LONP1: variants seen among roughly 807,000 people sequenced by gnomAD.
The protein encoded by LONP1 is lon peptidase 1, mitochondrial, also known as lon protease homolog, mitochondrial.
LONP1 carries 31 observed loss-of-function variants against 98.5 expected under a neutral mutation model. The ratio of observed to expected loss-of-function variants is 0.31; its 90% CI spans 0.24 to 0.42. The LOEUF (loss-of-function observed/expected upper bound fraction) is 0.42. Among genes scored for constraint, LONP1 ranks in the 20% least tolerant of loss-of-function variants. The pLI is 1.00. For synonymous variants in LONP1, 781 were observed against 594.7 expected, an observed-to-expected ratio of 1.31 and a Z score of -4.56; for missense variants, 1,336 against 1,350.6, an observed-to-expected ratio of 0.99 and a Z score of 0.17.
At position 5,711,852 on chromosome 19, in the gene LONP1, G is replaced by T; in HGVS notation, c.789C>A (p.Thr263=). Residue 263 remains threonine (T), a synonymous_variant, in exon 4 of 18, where the codon ACC becomes ACA. Coordinates refer to ENST00000360614, the MANE Select transcript of LONP1 (RefSeq NM_004793.4). ...RHPAELAMEP[T]PELPAEVLMV... ...TGAGCACCTCAGCCGGGAGCTCAGGGGTGGGCTCCATCGCCAGCTCCGCCG... is the reference window on the plus strand; with the variant it reads ...TGAGCACCTCAGCCGGGAGCTCAGGTGTGGGCTCCATCGCCAGCTCCGCCG... The T allele has an allele frequency of 6.2e-7, 1 of 1,612,844 alleles. No homozygotes were observed. Among genetic ancestry groups the T allele is most frequent in the Non-Finnish European group, 8.5e-7 (1 of 1,179,992 alleles).
chr19:5,711,970 G>A lies in LONP1; in HGVS notation c.671C>T (p.Pro224Leu). Residue 224 changes from proline (P) to leucine (L), a missense_variant, in exon 4 of 18, where the codon CCC (proline) becomes CTC (leucine). Coordinates refer to ENST00000360614, the MANE Select transcript of LONP1 (RefSeq NM_004793.4). ...VHISRQLEVE[P>L]EEPEAENKHK... ...CTTGTTCTCCGCCTCCGGCTCCTCG[G>A]GCTCCACCTCCAGCTGTCTGCTGAT... The A allele has an allele frequency of 1.2e-6, 2 of 1,613,088 alleles. No individual in the cohort carries two copies. The highest frequency in any genetic ancestry group is 1.7e-6 in the Non-Finnish European group (2 of 1,179,934).
chr19:5,693,289 G>A lies in LONP1; in HGVS notation c.2703+9C>T. Reference sequence around the variant, plus strand: ...GCCAGTGCTGTGGGGTGGGTACAGGGACACTCACCGCAATGGTCTTCTCCT... The same window carrying A: ...GCCAGTGCTGTGGGGTGGGTACAGGAACACTCACCGCAATGGTCTTCTCCT... On this transcript the variant is annotated intron_variant, in intron 17 of 17. Coordinates refer to ENST00000360614, the MANE Select transcript of LONP1 (RefSeq NM_004793.4). 6.2e-7 allele frequency: 1 copy of A among 1,606,186 alleles called. No individual in the cohort carries two copies. Among genetic ancestry groups the A allele is most frequent in the Non-Finnish European group, 8.5e-7 (1 of 1,174,750 alleles).
intron 8 of LONP1, among the ~76,000 whole-genome samples, chr19:5,701,280 C>T (rs2055036880): frequency 6.6e-6 from 1 of 152,176 alleles, no homozygotes; most frequent in Non-Finnish European, 1.5e-5. Context: ...CCTGTCTCTA[C>T]TAAAAATACA....
In LONP1 at chr19:5,717,547, C is replaced by G. The variant is rs1006300778; in HGVS notation, c.429+2157G>C. On this transcript the variant is annotated intron_variant, in intron 1 of 17. Coordinates refer to ENST00000360614, the MANE Select transcript of LONP1 (RefSeq NM_004793.4). Reference sequence around the variant, plus strand: ...CATCTCTCTGCTCAGGCACCGGGAGCAAGGGGCATCTGTCGCTCTGCAGAA... The same window carrying G: ...CATCTCTCTGCTCAGGCACCGGGAGGAAGGGGCATCTGTCGCTCTGCAGAA... 52 of 152,398 alleles carry G rather than the reference C, an allele frequency of 3.4e-4. 1 individual carries two copies. Among genetic ancestry groups the G allele is most frequent in the African/African-American group, 1.3e-3 (52 of 41,562 alleles). 9.4% of individuals were successfully genotyped at this position (152,398 alleles called of 1,614,324 possible). A position where few individuals can be genotyped will look rare whatever the true frequency, so the allele number is the denominator to read the frequency against.
At chr19:5,700,117 T>G (rs1371167851) in intron 9 of LONP1, among the ~76,000 whole-genome samples, 1 of 151,800 alleles carries the variant, frequency 6.6e-6, no homozygotes, top group Non-Finnish European at 1.5e-5. Context: ...TAAAAAAAAT[T>G]TTTTTTCCTT....
chr19:5,703,745 G>T (rs1416265740), intron 8 of LONP1, among the ~76,000 whole-genome samples: 2 of 151,854 alleles, frequency 1.3e-5, no homozygotes, highest in Non-Finnish European at 2.9e-5. Flanking sequence ...ATTCTGGGTG[G>T]GAGAGGTAGC....
chr19:5,700,961 A>C (rs1178730722), intron 8 of LONP1, 34 bp from the exon 9 acceptor site: 1 of 1,612,508 alleles, frequency 6.2e-7, no homozygotes, highest in Admixed American at 1.7e-5. Context: ...TGCTGAGTGG[A>C]GCTCACGAGC....
At position 5,716,253 on chromosome 19, in the gene LONP1, A is replaced by AATATATATATATAT. The variant is rs1200539692; in HGVS notation, c.430-1983_430-1982insATATATATATATAT. Among the ~76,000 whole-genome samples the AATATATATATATAT allele has an allele frequency of 9.8e-4, 70 of 71,704 alleles. 1 individual carries two copies. The highest frequency in any genetic ancestry group is 7.8e-3 in the Middle Eastern group (1 of 128). 47.0% of individuals were successfully genotyped at this position (71,704 alleles called of 152,430 possible). A position where few individuals can be genotyped will look rare whatever the true frequency, so the allele number is the denominator to read the frequency against. On this transcript the variant is annotated intron_variant, in intron 1 of 17. Coordinates refer to ENST00000360614, the MANE Select transcript of LONP1 (RefSeq NM_004793.4). Reference sequence around the variant, plus strand: ...ATTCTTTATTATATAATAAAGTTAAAATATACATATATATATATATATATA... The same window carrying AATATATATATATAT: ...ATTCTTTATTATATAATAAAGTTAAAATATATATATATATATATACATATATATATATATATATA...
intron 13 of LONP1, among the ~76,000 whole-genome samples, 199 bp from the exon 14 acceptor site, chr19:5,695,100 C>T (rs932457384): frequency 1.3e-5 from 2 of 152,022 alleles, no homozygotes; most frequent in Non-Finnish European, 2.9e-5. Context: ...TGTGCTGCGT[C>T]CTCTGCTTGG....
At chr19:5,699,911 G>A (rs1568316651) in intron 9 of LONP1, among the ~76,000 whole-genome samples, 2 of 151,844 alleles carry the variant, frequency 1.3e-5, no homozygotes, top group Non-Finnish European at 2.9e-5. Flanking sequence ...GGTTTCCAAT[G>A]TCTCAGGAGT....
intron 8 of LONP1, among the ~76,000 whole-genome samples, chr19:5,704,657 A>G (rs60865291): frequency 0.01 from 1,537 of 152,312 alleles, 28 homozygotes; most frequent in African/African-American, 0.035. Flanking sequence ...CTGGCTGGAC[A>G]TGGGCATGGC....
At chr19:5,717,949 A>G (rs1360549397) in intron 1 of LONP1, among the ~76,000 whole-genome samples, 2 of 131,178 alleles carry the variant, frequency 1.5e-5, no homozygotes, top group East Asian at 4.4e-4. Context: ...GTTTCAAATT[A>G]TGCTCCTGCC....
upstream of LONP1, chr19:5,720,274 A>C (rs531523956): frequency 2.5e-6 from 3 of 1,212,950 alleles, no homozygotes; most frequent in East Asian, 3.0e-5. Context: ...TACGCGGAGA[A>C]GAGGGGGCGG....
At chr19:5,718,922 C>T (rs1395714313) in intron 1 of LONP1, among the ~76,000 whole-genome samples, 1 of 152,172 alleles carries the variant, frequency 6.6e-6, no homozygotes, top group Non-Finnish European at 1.5e-5. Context: ...GTCAAGAACA[C>T]ACTGAATAAC....
rs2054870430 is a variant in LONP1 at position 5,693,573 on chromosome 19, G to A, written c.2517C>T (p.His839=). The change falls in exon 16 of 18, where the codon CAC becomes CAT. Residue 839 remains histidine (H), a synonymous_variant. Coordinates refer to ENST00000360614, the MANE Select transcript of LONP1 (RefSeq NM_004793.4). ...TCACCTCGGGCACATGCAGGTGGAT[G>A]TGTGAGGTCACCAGGTAGTCATTGG... is the stretch of plus-strand genomic sequence containing the variant. ...APANDYLVTS[H]IHLHVPEGAT... 2 of 1,614,102 alleles carry A rather than the reference G, an allele frequency of 1.2e-6. No individual in the cohort carries two copies. Among genetic ancestry groups the A allele is most frequent in the African/African-American group, 1.3e-5 (1 of 75,052 alleles).
intron 5 of LONP1, 188 bp downstream of exon 5, chr19:5,708,154 C>T: frequency 1.6e-6 from 1 of 631,832 alleles, no homozygotes; most frequent in African/African-American, 1.8e-5. Flanking sequence ...ACTGGGCCTG[C>T]TGAGTCGGCC....
chr19:5,704,423 A>C (rs965079682), intron 8 of LONP1, among the ~76,000 whole-genome samples: 3 of 152,116 alleles, frequency 2.0e-5, no homozygotes, highest in Non-Finnish European at 4.4e-5. Flanking sequence ...AGTGCCTCTC[A>C]GGGCCCTGGG....
At chr19:5,700,476 G>C (rs1183157281) in intron 9 of LONP1, among the ~76,000 whole-genome samples, 2 of 152,138 alleles carry the variant, frequency 1.3e-5, no homozygotes, top group African/African-American at 4.8e-5. Context: ...ATGTGCAGTG[G>C]CATGATCACA....
chr19:5,716,951 T>A (rs746783213), intron 1 of LONP1, among the ~76,000 whole-genome samples: 2 of 151,858 alleles, frequency 1.3e-5, no homozygotes, highest in African/African-American at 4.8e-5. Flanking sequence ...CCACCACCAC[T>A]CCAGGCTAAT....
Sources: allele counts gnomAD v4.1 joint callset (sites outside exome capture counted in the v4.1 genomes callset), GRCh38; gene constraint gnomAD v4.1.1; transcripts MANE v1.5; gene names NCBI Gene and HGNC (gene_info 2026-07-23, HGNC 2026-07-21).